WDPCP: variants seen among roughly 807,000 people sequenced by gnomAD.
WDPCP encodes the protein WD repeat-containing and planar cell polarity effector protein fritz homolog.
A neutral mutation model predicts 93.1 loss-of-function variants in WDPCP; 71 were observed. That is an observed-to-expected ratio of 0.76 (90% CI 0.63 to 0.93). WDPCP has a LOEUF of 0.93. Ranked by LOEUF, WDPCP falls within the 40% of genes least tolerant of loss-of-function variation. WDPCP has a pLI of 0.00. For missense variants in WDPCP, 844 were observed against 887.4 expected (o/e 0.95, Z 0.62); for synonymous variants, 315 against 315.0 (o/e 1.00, Z 0.00).
chr2:63,674,283 T>C (rs531229902), intron 2 of WDPCP, among the ~76,000 whole-genome samples: 2 of 152,328 alleles, frequency 1.3e-5, no homozygotes, highest in South Asian at 4.1e-4. Flanking sequence ...TAGACCTATG[T>C]AGAGTAATCA....
At chr2:63,793,898 G>A (rs1350337455) in intron 2 of WDPCP, among the ~76,000 whole-genome samples, 1 of 151,790 alleles carries the variant, frequency 6.6e-6, no homozygotes, top group Non-Finnish European at 1.5e-5. Context: ...GTGTGTGTGT[G>A]TGTGTGTGTG....
At chr2:63,553,976 C>T (rs889002311) in intron 1 of WDPCP, among the ~76,000 whole-genome samples, 2 of 152,198 alleles carry the variant, frequency 1.3e-5, no homozygotes, top group African/African-American at 4.8e-5. Flanking sequence ...CACTCTTTCA[C>T]ATAACCACAG....
upstream of WDPCP, among the ~76,000 whole-genome samples, chr2:63,592,330 C>T (rs183296232): frequency 2.6e-5 from 4 of 152,188 alleles, no homozygotes; most frequent in African/African-American, 9.6e-5. Context: ...GAATAAAATA[C>T]CTTTTGTTTT....
At chr2:63,835,457 C>T in the WDPCP span, among the ~76,000 whole-genome samples, 2 of 146,394 alleles carry the variant, frequency 1.4e-5, no homozygotes, top group African/African-American at 5.0e-5. Flanking sequence ...TAAGAGATTA[C>T]TTGTCCCGGA....
At chr2:63,815,590 A>G (rs1415449419) in intron 1 of WDPCP, among the ~76,000 whole-genome samples, 1 of 152,230 alleles carries the variant, frequency 6.6e-6, no homozygotes, top group Non-Finnish European at 1.5e-5. Flanking sequence ...GCAAAGTGAC[A>G]TTCAGACACA....
chr2:63,589,281 C>A, upstream of WDPCP: 1 of 1,551,046 alleles, frequency 6.4e-7, no homozygotes, highest in South Asian at 1.2e-5. Flanking sequence ...AAGTAGTTGT[C>A]CTGGGAGAGG....
chr2:63,403,946 G>A (rs1237477003), intron 10 of WDPCP, 102 bp downstream of exon 10: 1 of 1,503,836 alleles, frequency 6.6e-7, no homozygotes, highest in East Asian at 2.3e-5. Context: ...TTTATGGGAT[G>A]ATAAATAGAA....
At chr2:63,573,553 T>C (rs769178443) in intron 1 of WDPCP, among the ~76,000 whole-genome samples, 61 of 152,314 alleles carry the variant, frequency 4.0e-4, no homozygotes, top group Non-Finnish European at 5.7e-4. Context: ...CTTAATTCCA[T>C]CATCTTCGTA....
intron 9 of WDPCP, among the ~76,000 whole-genome samples, chr2:63,431,104 A>G (rs971621075): frequency 5.3e-5 from 8 of 152,150 alleles, no homozygotes; most frequent in Admixed American, 1.3e-4. Flanking sequence ...TTGGTTCAGT[A>G]TGTGGGCTTT....
At chr2:63,307,139 T>C (rs1414583204) in intron 13 of WDPCP, among the ~76,000 whole-genome samples, 1 of 152,168 alleles carries the variant, frequency 6.6e-6, no homozygotes, top group Non-Finnish European at 1.5e-5. Context: ...CCATTCATAA[T>C]TGCTACAAAG....
chr2:63,714,787 C>T lies in WDPCP; in HGVS notation n.309-63949G>A, dbSNP rs545363399. The stretch of plus-strand genomic sequence containing the variant: ...GAGGTTGCAGTGAGCCAAGATTGCA[C>T]CACTGCACTCCAGCCTGGGTGAGAG... On this transcript the variant is annotated intron_variant and non_coding_transcript_variant, in intron 2 of 4. Coordinates refer to the WDPCP transcript ENST00000467687. 2.6e-5 allele frequency among the ~76,000 whole-genome samples: 4 copies of T among 152,318 alleles called. No homozygotes were observed. In the South Asian group the frequency reaches 8.3e-4, roughly 32 times the overall value.
rs1475407560 is a variant in WDPCP, at chr2:63,650,934, G to A, written n.309-96C>T. Reference sequence around the variant, plus strand: ...AATACTTTGCCAGATGCCTTGCCAAGAAGGCTGAAAGATGGAGTGTGGGGA... The same window carrying A: ...AATACTTTGCCAGATGCCTTGCCAAAAAGGCTGAAAGATGGAGTGTGGGGA... On this transcript the variant is annotated intron_variant and non_coding_transcript_variant, in intron 2 of 4. Transcript: ENST00000467687. The A allele has an allele frequency of 5.3e-5, 8 of 152,322 alleles. No individual in the cohort carries two copies. In the East Asian group the frequency reaches 1.3e-3, roughly 26 times the overall value. 9.4% of individuals were successfully genotyped at this position (152,322 alleles called of 1,614,324 possible).
At chr2:63,264,137 A>G (rs1055099527) in intron 13 of WDPCP, among the ~76,000 whole-genome samples, 1 of 152,196 alleles carries the variant, frequency 6.6e-6, no homozygotes, top group Non-Finnish European at 1.5e-5. Flanking sequence ...CCTAGCTATC[A>G]TGGTTATAAC....
intron 6 of WDPCP, among the ~76,000 whole-genome samples, chr2:63,460,638 T>C (rs1232884011): frequency 6.6e-6 from 1 of 151,942 alleles, no homozygotes; most frequent in East Asian, 1.9e-4. Context: ...AAACAAAAAA[T>C]ACATGAAAAT....
chr2:63,737,806 A>G (rs1669659330), intron 2 of WDPCP, among the ~76,000 whole-genome samples: 1 of 152,260 alleles, frequency 6.6e-6, no homozygotes, highest in South Asian at 2.1e-4. Flanking sequence ...TTTGTTTTTC[A>G]TTTGAATCTC....
intron 17 of WDPCP, 127 bp from the exon 18 acceptor site, chr2:63,122,183 C>A: frequency 1.3e-6 from 1 of 742,710 alleles, no homozygotes; most frequent in Non-Finnish European, 2.2e-6. Context: ...AAATGTACTG[C>A]ACATAGATAC....
At chr2:63,164,080 G>C (rs1215832683) in intron 15 of WDPCP, among the ~76,000 whole-genome samples, 1 of 152,114 alleles carries the variant, frequency 6.6e-6, no homozygotes, top group Non-Finnish European at 1.5e-5. Flanking sequence ...CAAATACAAG[G>C]TTTATTTGTT....
At chr2:63,385,745 G>A (rs1385405261) in intron 10 of WDPCP, among the ~76,000 whole-genome samples, 1 of 151,832 alleles carries the variant, frequency 6.6e-6, no homozygotes, top group Non-Finnish European at 1.5e-5. Context: ...GGTGAAACAA[G>A]CCAGTTTCAA....
At chr2:63,704,436 T>G (rs1183115118) in intron 2 of WDPCP, among the ~76,000 whole-genome samples, 2 of 152,194 alleles carry the variant, frequency 1.3e-5, no homozygotes, top group Non-Finnish European at 2.9e-5. Flanking sequence ...GGCTGTGGGT[T>G]TGTCATAGAT....
Sources: gnomAD v4.1 joint callset for allele counts (sites outside exome capture counted in the v4.1 genomes callset) on GRCh38, gnomAD v4.1.1 for gene constraint, MANE v1.5 for transcripts, NCBI Gene and HGNC (gene_info 2026-07-23, HGNC 2026-07-21) for gene names.